Variants in PTPRA observed in about 807,000 individuals in gnomAD.
PTPRA encodes the protein receptor-type tyrosine-protein phosphatase alpha.
PTPRA carries 25 observed loss-of-function variants against 104.8 expected under a neutral mutation model. That is an observed-to-expected ratio of 0.24 (90% CI 0.17 to 0.33). PTPRA has a LOEUF of 0.33. Ranked by LOEUF, PTPRA falls within the 10% of genes least tolerant of loss-of-function variation. PTPRA has a pLI of 1.00. For synonymous variants in PTPRA, 323 were observed against 368.9 expected (o/e 0.88, Z 1.43); for missense variants, 765 against 1,015.3 (o/e 0.75, Z 3.35).
Position 2,918,470 on chromosome 20 carries a change from C to T in PTPRA, c.-128-4737C>T, listed in dbSNP as rs533238128. 9.2e-5 allele frequency among the ~76,000 whole-genome samples: 14 copies of T among 152,288 alleles called. No individual in the cohort carries two copies. The South Asian group carries it at 2.9e-3, about 32-fold the overall frequency. ...GGTTGCCGTAGTAAGCATGGGACTTCCTATGAATGGCTCTGTTAACAGTAG... is the reference window on the plus strand; with the variant it reads ...GGTTGCCGTAGTAAGCATGGGACTTTCTATGAATGGCTCTGTTAACAGTAG... On this transcript the variant is annotated intron_variant, in intron 1 of 23. Coordinates refer to ENST00000399903, the MANE Select transcript of PTPRA (RefSeq NM_001385305.1).
intron 1 of PTPRA, among the ~76,000 whole-genome samples, chr20:2,905,451 G>T (rs1441063219): frequency 6.6e-6 from 1 of 152,116 alleles, no homozygotes; most frequent in East Asian, 1.9e-4. Flanking sequence ...CCAGGGGTCA[G>T]TATGTTTGTT....
intron 1 of PTPRA, among the ~76,000 whole-genome samples, chr20:2,898,905 G>A (rs1012443175): frequency 2.0e-5 from 3 of 152,270 alleles, no homozygotes; most frequent in South Asian, 2.1e-4. Context: ...TATCTCAGTC[G>A]TGGAATCAAT....
intron 1 of PTPRA, among the ~76,000 whole-genome samples, chr20:2,895,021 C>G (rs1008602167): frequency 2.7e-5 from 4 of 150,580 alleles, no homozygotes; most frequent in Non-Finnish European, 5.9e-5. Flanking sequence ...TTGTCTTTCT[C>G]TTTGAAACTG....
At chr20:2,893,707 T>C (rs2147008226) in intron 1 of PTPRA, among the ~76,000 whole-genome samples, 1 of 152,276 alleles carries the variant, frequency 6.6e-6, no homozygotes, top group Admixed American at 6.5e-5. Flanking sequence ...TCACTCTGCC[T>C]TTTGAAGGAC....
chr20:2,877,787 A>G (rs2089817252), intron 1 of PTPRA, among the ~76,000 whole-genome samples: 1 of 152,274 alleles, frequency 6.6e-6, no homozygotes, highest in South Asian at 2.1e-4. Context: ...CAGTCAGTAC[A>G]TATAGAATAT....
intron 2 of PTPRA, among the ~76,000 whole-genome samples, chr20:2,932,133 A>G (rs550455208): frequency 2.0e-5 from 3 of 152,334 alleles, no homozygotes; most frequent in Middle Eastern, 3.4e-3. Flanking sequence ...GAACCAGGAA[A>G]CAGAGAAGCT....
At chr20:3,034,006 C>T (rs1458874193) in intron 20 of PTPRA, among the ~76,000 whole-genome samples, 4 of 151,824 alleles carry the variant, frequency 2.6e-5, no homozygotes, top group African/African-American at 4.8e-5. Context: ...TGGTGGCTCA[C>T]GCCTGTGTAA....
In PTPRA at chr20:3,027,718, G is replaced by A. The variant is rs758660110; in HGVS notation, c.1797G>A (p.Gln599=). ...VNASFIDGYR[Q]KDSYIASQGP... Reference sequence around the variant, plus strand: ...CCTGGCCTGTGCAGGGCTACCGGCAGAAGGACTCCTATATCGCCAGCCAGG... The same window carrying A: ...CCTGGCCTGTGCAGGGCTACCGGCAAAAGGACTCCTATATCGCCAGCCAGG... Residue 599 remains glutamine, a synonymous_variant, in exon 20 of 24, where the codon CAG becomes CAA. Transcript: ENST00000399903. 1.2e-6 allele frequency: 2 copies of A among 1,614,052 alleles called. No individual in the cohort carries two copies. Among genetic ancestry groups the A allele is most frequent in the South Asian group, 2.2e-5 (2 of 91,064 alleles).
chr20:3,023,243 G>A (rs1045100355), intron 16 of PTPRA, among the ~76,000 whole-genome samples: 39 of 152,238 alleles, frequency 2.6e-4, no homozygotes, highest in Admixed American at 6.5e-4. Flanking sequence ...GCGGAAGGCC[G>A]CAGGGACCTC....
At position 3,007,370 on chromosome 20, in the gene PTPRA, C is replaced by A. The variant is rs1473451231; in HGVS notation, c.856C>A (p.Pro286Thr). 2 of 1,613,996 alleles carry A rather than the reference C, an allele frequency of 1.2e-6. No homozygotes were observed. Among genetic ancestry groups the A allele is most frequent in the South Asian group, 2.2e-5 (2 of 91,084 alleles). Residue 286 changes from proline (P) to threonine (T), a missense_variant, in exon 11 of 24, where the codon CCG (proline) becomes ACG (threonine). Pro to Thr is a conservative substitution (Grantham distance 38). Coordinates refer to ENST00000399903, the MANE Select transcript of PTPRA (RefSeq NM_001385305.1). Reference protein sequence around the residue: ...PYDHSRVHLTPVEGVPDSDYI... With the variant: ...PYDHSRVHLTTVEGVPDSDYI... ...TGACCACTCTAGAGTCCACCTGACA[C>A]CGGTTGAAGGGGTTCCAGATTCTGA...
At chr20:2,865,952 G>A in the PTPRA span, 3 of 534,434 alleles carry the variant, frequency 5.6e-6, no homozygotes, top group Non-Finnish European at 1.0e-5. This position sits in a 1 kb window ranked among gnomAD's most constrained non-coding sequence, Gnocchi z 5.2. Flanking sequence ...TGTTGCAAGG[G>A]GTAATGGTGG....
At chr20:2,939,556 C>T (rs2060829022) in intron 2 of PTPRA, among the ~76,000 whole-genome samples, 1 of 152,204 alleles carries the variant, frequency 6.6e-6, no homozygotes, top group Non-Finnish European at 1.5e-5. Flanking sequence ...CTGCCCCTTT[C>T]CCAGTTCTTT....
intron 20 of PTPRA, among the ~76,000 whole-genome samples, chr20:3,032,203 CTT>C (rs897561846): frequency 3.3e-5 from 5 of 152,172 alleles, no homozygotes; most frequent in African/African-American, 1.2e-4. Flanking sequence ...TCTATTCTCT[CTT>C]GTTACAGTGG....
At chr20:2,927,199 G>A (rs532867511) in intron 2 of PTPRA, among the ~76,000 whole-genome samples, 117 of 152,082 alleles carry the variant, frequency 7.7e-4, no homozygotes, top group African/African-American at 2.7e-3. Flanking sequence ...TGAGTGCCGC[G>A]CCCACTTAAT....
intron 11 of PTPRA, among the ~76,000 whole-genome samples, chr20:3,008,735 A>AC (rs2063993865): frequency 1.6e-5 from 2 of 121,672 alleles, no homozygotes; most frequent in African/African-American, 8.7e-5. Flanking sequence ...TACTAAAAAA[A>AC]AAAAAAAAAC....
intron 1 of PTPRA, among the ~76,000 whole-genome samples, chr20:2,919,421 G>T (rs1242392280): frequency 3.3e-5 from 5 of 152,190 alleles, no homozygotes; most frequent in African/African-American, 1.2e-4. Flanking sequence ...GCCTTTCATG[G>T]TGGTGGAATT....
intron 1 of PTPRA, among the ~76,000 whole-genome samples, chr20:2,911,121 ATATT>A (rs1182689902): frequency 2.0e-5 from 3 of 151,974 alleles, no homozygotes; most frequent in Non-Finnish European, 4.4e-5. Context: ...GTTGTTTTAA[ATATT>A]TATTAATAGA....
chr20:2,990,947 A>G (rs2063145932), intron 9 of PTPRA, among the ~76,000 whole-genome samples: 1 of 152,190 alleles, frequency 6.6e-6, no homozygotes, highest in South Asian at 2.1e-4. Context: ...GGGAGAGGCA[A>G]GAGTTGAAGT....
intron 13 of PTPRA, among the ~76,000 whole-genome samples, chr20:3,020,992 T>G (rs58747819): frequency 0.018 from 2,771 of 152,308 alleles, 130 homozygotes; most frequent in Admixed American, 0.093. Flanking sequence ...TGAAATGTTG[T>G]GAAAGTGCAG....
Sources: allele counts gnomAD v4.1 joint callset (sites outside exome capture counted in the v4.1 genomes callset), GRCh38; gene constraint gnomAD v4.1.1; non-coding constraint Gnocchi (gnomAD v3.1); transcripts MANE v1.5; gene names NCBI Gene and HGNC (gene_info 2026-07-23, HGNC 2026-07-21).